The following GARIN3 variants were observed in gnomAD, a reference collection of about 807,000 sequenced individuals.
GARIN3 encodes golgi associated RAB2 interactor family member 3.
the GARIN3 span, chr5:157,163,336 G>A: frequency 6.2e-7 from 1 of 1,614,084 alleles, no homozygotes; most frequent in Non-Finnish European, 8.5e-7. Flanking sequence ...CAGCGCTGTG[G>A]TCACTTGACC....
the GARIN3 span, chr5:157,166,160 A>T: frequency 1.2e-6 from 2 of 1,608,902 alleles, no homozygotes; most frequent in Non-Finnish European, 1.7e-6. Flanking sequence ...AACAAGATTC[A>T]TTGCTCATGG....
At chr5:157,162,887 T>C in the GARIN3 span, 1 of 1,614,234 alleles carries the variant, frequency 6.2e-7, no homozygotes, top group Admixed American at 1.7e-5. Flanking sequence ...TTCTGATTCT[T>C]GTCCCCCGCT....
At chr5:157,162,448 T>A in the GARIN3 span, 1 of 1,613,068 alleles carries the variant, frequency 6.2e-7, no homozygotes, top group Admixed American at 1.7e-5. Context: ...GGCTCCTCTT[T>A]AAATGGATTT....
At chr5:157,166,061 T>C in the GARIN3 span, 3 of 1,614,200 alleles carry the variant, frequency 1.9e-6, no homozygotes, top group Admixed American at 1.7e-5. Flanking sequence ...TGTTGTACTC[T>C]CCTCTGTTGT....
the GARIN3 span, chr5:157,163,201 C>T: frequency 1.9e-6 from 3 of 1,614,006 alleles, no homozygotes; most frequent in Non-Finnish European, 2.5e-6. Flanking sequence ...GGTGGAAGTA[C>T]CTTCCAAGGA....
the GARIN3 span, chr5:157,162,701 A>G: frequency 6.2e-7 from 1 of 1,614,192 alleles, no homozygotes; most frequent in Non-Finnish European, 8.5e-7. Flanking sequence ...CCTGTGCTAG[A>G]TGCAGATTGG....
the GARIN3 span, chr5:157,165,593 G>A: frequency 5.6e-6 from 9 of 1,613,276 alleles, no homozygotes; most frequent in East Asian, 2.2e-5. Context: ...CGGGTGGTGC[G>A]TCCCCAGATA....
At chr5:157,164,023 C>T in the GARIN3 span, among the ~76,000 whole-genome samples, 16 of 151,442 alleles carry the variant, frequency 1.1e-4, no homozygotes, top group Non-Finnish European at 1.9e-4. Context: ...CGCCACTCCA[C>T]TGCACTCCAG....
chr5:157,162,594 C>T, the GARIN3 span: 45 of 1,614,184 alleles, frequency 2.8e-5, no homozygotes, highest in Middle Eastern at 8.2e-4. Context: ...CGATATCTAC[C>T]TCTCTGTCAT....
chr5:157,165,537 T>C, the GARIN3 span: 9 of 1,577,942 alleles, frequency 5.7e-6, no homozygotes, highest in Non-Finnish European at 6.9e-6. Flanking sequence ...ACCTGCCCCA[T>C]GTTCTCGAGC....
chr5:157,165,967 G>C, the GARIN3 span: 2 of 1,614,036 alleles, frequency 1.2e-6, no homozygotes, highest in East Asian at 4.5e-5. Flanking sequence ...GTCACCATTC[G>C]GACACGGTTG....
At chr5:157,163,443 T>C in the GARIN3 span, 2 of 1,614,238 alleles carry the variant, frequency 1.2e-6, no homozygotes, top group South Asian at 2.2e-5. Context: ...GTCCTGTTGC[T>C]GTTCCTGCCA....
chr5:157,162,628 C>T, the GARIN3 span: 30 of 1,614,060 alleles, frequency 1.9e-5, no homozygotes, highest in Admixed American at 4.8e-4. Flanking sequence ...TGTTTTTGAA[C>T]CAGGAGTGGC....
chr5:157,163,038 A>T, the GARIN3 span: 1 of 1,613,884 alleles, frequency 6.2e-7, no homozygotes, highest in Non-Finnish European at 8.5e-7. Flanking sequence ...CATCTCGTTC[A>T]CTCATGTAGC....
chr5:157,165,937 T>C, the GARIN3 span: 2 of 1,614,192 alleles, frequency 1.2e-6, no homozygotes, highest in South Asian at 2.2e-5. Flanking sequence ...AGGATGGGGC[T>C]GGTGCAGACG....
the GARIN3 span, chr5:157,165,877 G>A: frequency 1.2e-6 from 2 of 1,614,154 alleles, no homozygotes; most frequent in Non-Finnish European, 1.7e-6. Context: ...CTGACATGCT[G>A]TTCACAGATT....
the GARIN3 span, chr5:157,162,471 G>T: frequency 6.2e-7 from 1 of 1,613,990 alleles, no homozygotes; most frequent in East Asian, 2.2e-5. Flanking sequence ...TTTCAAAGAC[G>T]ATCATCTCCG....
the GARIN3 span, chr5:157,162,402 A>G: frequency 6.3e-7 from 1 of 1,579,250 alleles, no homozygotes; most frequent in African/African-American, 1.4e-5. Context: ...GGGCTCCTCT[A>G]GGGATACTTC....
At chr5:157,164,236 G>A in the GARIN3 span, among the ~76,000 whole-genome samples, 3 of 138,618 alleles carry the variant, frequency 2.2e-5, no homozygotes, top group South Asian at 2.3e-4. Flanking sequence ...TGCAATCTCC[G>A]CCTCCCAGGT....
Sources: allele counts gnomAD v4.1 joint callset (sites outside exome capture counted in the v4.1 genomes callset), GRCh38; gene constraint gnomAD v4.1.1; transcripts MANE v1.5; gene names NCBI Gene and HGNC (gene_info 2026-07-23, HGNC 2026-07-21).